The following TFDP2 variants were observed in gnomAD, a reference collection of about 807,000 sequenced individuals.
The protein encoded by TFDP2 is transcription factor Dp-2, also known as transcription factor Dp-2 (E2F dimerization partner 2).
In TFDP2, 17 loss-of-function variants were observed where a neutral mutation model predicts 59.3. That is an observed-to-expected ratio of 0.29 (90% CI 0.20 to 0.43). The LOEUF is 0.43. TFDP2 is among the 20% of genes least tolerant of loss of function. The pLI is 1.00. For missense variants in TFDP2, 391 were observed against 528.8 expected (o/e 0.74, Z 2.56); for synonymous variants, 180 against 194.7 (o/e 0.92, Z 0.63).
At chr3:142,132,738 C>A in intron 1 of TFDP2, among the ~76,000 whole-genome samples, 1 of 132,168 alleles carries the variant, frequency 7.6e-6, no homozygotes. Flanking sequence ...GATTAAGACG[C>A]TATCTCAAAA....
intron 8 of TFDP2, among the ~76,000 whole-genome samples, chr3:141,973,123 A>AT (rs761950988): frequency 9.1e-4 from 53 of 58,024 alleles, no homozygotes; most frequent in East Asian, 2.1e-3. Context: ...ATATATATAT[A>AT]TTTTTTTTTT....
chr3:141,988,429 CA>C (rs986460563), intron 6 of TFDP2, among the ~76,000 whole-genome samples: 9 of 152,038 alleles, frequency 5.9e-5, no homozygotes, highest in Admixed American at 5.9e-4. Context: ...CCACAAACAG[CA>C]AACTACCCCA....
intron 11 of TFDP2, among the ~76,000 whole-genome samples, chr3:141,956,940 A>ACCC (rs35650402): frequency 1.7e-4 from 24 of 137,706 alleles, no homozygotes; most frequent in East Asian, 4.4e-4. Context: ...ACCCTGCCCC[A>ACCC]CCCCCCCCAC....
At chr3:142,134,072 A>C (rs2062621629) in intron 1 of TFDP2, among the ~76,000 whole-genome samples, 1 of 148,942 alleles carries the variant, frequency 6.7e-6, no homozygotes, top group Non-Finnish European at 1.5e-5. Flanking sequence ...GAAAAGGAGG[A>C]AGCATTATGA....
chr3:141,960,399 G>A (rs928433443), intron 10 of TFDP2, among the ~76,000 whole-genome samples: 13 of 152,174 alleles, frequency 8.5e-5, no homozygotes, highest in South Asian at 4.1e-4. Flanking sequence ...ATACAAGCAC[G>A]TTTCCAAATA....
rs1397658860 is a variant in TFDP2 at position 141,949,017 on chromosome 3, G to C, written c.*3496C>G. On this transcript the variant is annotated 3_prime_UTR_variant, in exon 13 of 13. Transcript: ENST00000489671. ...GGCGTGAACCCGGGAGGCGGAGCTT[G>C]CAGTGAGCCGAGATCACCACTGCAC... 3.6e-5 allele frequency: 5 copies of C among 140,812 alleles called. No individual in the cohort carries two copies. 8.7% of individuals were successfully genotyped at this position (140,812 alleles called of 1,614,324 possible). A position where few individuals can be genotyped will look rare whatever the true frequency, so the allele number is the denominator to read the frequency against.
At chr3:142,029,457 T>C (rs772947745) in intron 3 of TFDP2, among the ~76,000 whole-genome samples, 2 of 72,466 alleles carry the variant, frequency 2.8e-5, no homozygotes, top group Non-Finnish European at 5.6e-5. Context: ...TCAATTATGT[T>C]GTCCTGGTTT....
chr3:142,051,368 A>T (rs1257973439), intron 3 of TFDP2, among the ~76,000 whole-genome samples: 1 of 152,124 alleles, frequency 6.6e-6, no homozygotes, highest in African/African-American at 2.4e-5. Flanking sequence ...GTGAAACCTC[A>T]TCTCTACTAA....
rs545269909 is a variant in TFDP2 at position 142,100,053 on chromosome 3, G to A, written c.15+1682C>T. Among the ~76,000 whole-genome samples the A allele has an allele frequency of 3.2e-4, 48 of 152,218 alleles. No homozygotes were observed. In the Middle Eastern group the frequency reaches 0.017, roughly 54 times the overall value. ...TCTGTATCTGCTTCTAGTTACCAAT[G>A]CATGTTAAAAGCAATGTTCTGAATT... On this transcript the variant is annotated intron_variant, in intron 2 of 12. Coordinates refer to ENST00000489671, the MANE Select transcript of TFDP2 (RefSeq NM_001178139.2).
chr3:142,081,772 G>C (rs1048123014), intron 3 of TFDP2, among the ~76,000 whole-genome samples: 2 of 152,090 alleles, frequency 1.3e-5, no homozygotes, highest in African/African-American at 2.4e-5. Flanking sequence ...TACCAACACT[G>C]AACCATAAAG....
chr3:141,959,904 T>C (rs1323848586), intron 10 of TFDP2, 64 bp from the exon 11 acceptor site: 11 of 1,525,498 alleles, frequency 7.2e-6, no homozygotes, highest in African/African-American at 1.4e-5. Flanking sequence ...AGTTTTGTAT[T>C]CTATAGTTTA....
rs1935173345 is a variant in TFDP2, at chr3:141,945,748, T to C, written c.*6765A>G. 1 of 152,152 alleles carries C rather than the reference T, an allele frequency of 6.6e-6. No homozygotes were observed. 9.4% of individuals were successfully genotyped at this position (152,152 alleles called of 1,614,324 possible). On this transcript the variant is annotated 3_prime_UTR_variant, in exon 13 of 13. Transcript: ENST00000489671. ...CATGTGACATGAAGCTCGGCCATGG[T>C]GAAGTATGGTAAGTGACAAATGGCA... is the stretch of plus-strand genomic sequence containing the variant.
chr3:141,957,537 G>A (rs893149231), intron 11 of TFDP2, among the ~76,000 whole-genome samples: 2 of 151,940 alleles, frequency 1.3e-5, no homozygotes, highest in African/African-American at 2.4e-5. Flanking sequence ...AGCATCATTC[G>A]AGATAGCCAA....
At chr3:142,133,778 G>A (rs2062604562) in intron 1 of TFDP2, among the ~76,000 whole-genome samples, 1 of 152,080 alleles carries the variant, frequency 6.6e-6, no homozygotes, top group Non-Finnish European at 1.5e-5. Context: ...GATTACAGGT[G>A]TGAGTCACCA....
At chr3:142,127,376 G>A (rs1298036924) in intron 1 of TFDP2, among the ~76,000 whole-genome samples, 1 of 144,790 alleles carries the variant, frequency 6.9e-6, no homozygotes, top group South Asian at 2.2e-4. Flanking sequence ...GCAAGATCTC[G>A]GTTTACTGCA....
At chr3:142,016,465 A>AT (rs1301296346) in intron 3 of TFDP2, among the ~76,000 whole-genome samples, 5 of 151,112 alleles carry the variant, frequency 3.3e-5, no homozygotes, top group South Asian at 2.1e-4. Context: ...CACCTGGCTA[A>AT]TTTTTTTGTA....
chr3:142,075,151 C>T (rs1436644785), intron 3 of TFDP2, among the ~76,000 whole-genome samples: 1 of 152,098 alleles, frequency 6.6e-6, no homozygotes, highest in Non-Finnish European at 1.5e-5. Context: ...GCAATGATTT[C>T]ATGAATATGA....
chr3:142,064,595 T>G (rs1384873677), intron 3 of TFDP2, among the ~76,000 whole-genome samples: 2 of 152,244 alleles, frequency 1.3e-5, no homozygotes, highest in African/African-American at 4.8e-5. Flanking sequence ...CTCTAATTCC[T>G]TTAGATTTGC....
intron 1 of TFDP2, 74 bp from the exon 2 acceptor site, chr3:142,101,915 G>T: frequency 2.3e-6 from 1 of 440,850 alleles, no homozygotes; most frequent in South Asian, 6.8e-5. Context: ...TTTACTATGT[G>T]ACATGCATTG....
Sources: gnomAD v4.1 joint callset for allele counts (sites outside exome capture counted in the v4.1 genomes callset) on GRCh38, gnomAD v4.1.1 for gene constraint, MANE v1.5 for transcripts, NCBI Gene and HGNC (gene_info 2026-07-23, HGNC 2026-07-21) for gene names.